Variants in FAM227B observed in about 807,000 individuals in gnomAD.
FAM227B encodes protein FAM227B.
Under a neutral mutation model 73.8 loss-of-function variants are expected in FAM227B, and 88 were observed. That is an observed-to-expected ratio of 1.19 (90% CI 1.00 to 1.42). The LOEUF is 1.42. Among genes scored for constraint, FAM227B ranks in the 40% most tolerant of loss-of-function variants. The probability of loss-of-function intolerance (pLI) is 0.00; values close to 1 mark genes in which losing one functional copy is unlikely to be tolerated. For synonymous variants in FAM227B, 210 were observed against 190.5 expected (o/e 1.10, Z -0.84); for missense variants, 632 against 590.9 (o/e 1.07, Z -0.72).
At chr15:49,614,473 A>G (rs1232023687) in intron 2 of FAM227B, among the ~76,000 whole-genome samples, 1 of 152,248 alleles carries the variant, frequency 6.6e-6, no homozygotes, top group Non-Finnish European at 1.5e-5. Context: ...AAATGCATGT[A>G]CTTCTCAGCA....
intron 11 of FAM227B, among the ~76,000 whole-genome samples, chr15:49,470,368 A>C (rs1392819293): frequency 6.6e-6 from 1 of 152,158 alleles, no homozygotes; most frequent in Non-Finnish European, 1.5e-5. Flanking sequence ...TTTTATTACC[A>C]ATAAGCAATT....
At chr15:49,454,324 T>A (rs2053065561) in intron 11 of FAM227B, among the ~76,000 whole-genome samples, 1 of 152,124 alleles carries the variant, frequency 6.6e-6, no homozygotes, top group African/African-American at 2.4e-5. Flanking sequence ...TTTCCCCCTT[T>A]CCAGTTTAAT....
chr15:49,396,826 C>A (rs1261894329), intron 11 of FAM227B, among the ~76,000 whole-genome samples: 6 of 151,608 alleles, frequency 4.0e-5, no homozygotes, highest in Admixed American at 6.6e-5. Flanking sequence ...GAAAGGACAT[C>A]CACACCAAAA....
At chr15:49,585,705 G>C (rs552851617) in intron 5 of FAM227B, among the ~76,000 whole-genome samples, 1 of 152,116 alleles carries the variant, frequency 6.6e-6, no homozygotes, top group Admixed American at 6.5e-5. Context: ...GGTGGGTGGA[G>C]GGGGGAGGGA....
At chr15:49,614,789 ACTC>A (rs1324401756) in intron 2 of FAM227B, 1 of 262,962 alleles carries the variant, frequency 3.8e-6, no homozygotes, top group Non-Finnish European at 7.5e-6. Context: ...CTGTTAACCA[ACTC>A]CTCCTTCTTA....
chr15:49,504,091 C>G (rs1428408947), intron 11 of FAM227B, among the ~76,000 whole-genome samples: 3 of 152,084 alleles, frequency 2.0e-5, no homozygotes, highest in East Asian at 1.9e-4. Context: ...GAATACTATG[C>G]AGCCATAAAA....
chr15:49,611,137 T>C (rs2077885851), intron 3 of FAM227B, 78 bp downstream of exon 3: 1 of 859,758 alleles, frequency 1.2e-6, no homozygotes, highest in Non-Finnish European at 1.9e-6. Context: ...TCTTAAAGTT[T>C]ATTCTAAGCC....
At chr15:49,377,413 C>T (rs2046239619) in intron 11 of FAM227B, among the ~76,000 whole-genome samples, 2 of 151,984 alleles carry the variant, frequency 1.3e-5, no homozygotes, top group Admixed American at 1.3e-4. Context: ...TATGGTAGCT[C>T]AATTTTTAGT....
At chr15:49,453,330 C>T (rs2052952666) in intron 11 of FAM227B, among the ~76,000 whole-genome samples, 1 of 151,898 alleles carries the variant, frequency 6.6e-6, no homozygotes, top group East Asian at 1.9e-4. Context: ...TCTCAAATGC[C>T]TGAGCTCAAG....
chr15:49,580,356 C>G (rs948087706), intron 5 of FAM227B, among the ~76,000 whole-genome samples: 1 of 152,186 alleles, frequency 6.6e-6, no homozygotes, highest in Non-Finnish European at 1.5e-5. Context: ...TACTGAATCA[C>G]ATCCCAAACT....
At chr15:49,367,866 G>GAAAAAAAAAAAA in intron 12 of FAM227B, 1 of 116,850 alleles carries the variant, frequency 8.6e-6, no homozygotes, top group African/African-American at 3.1e-5. Flanking sequence ...CTTAAGAACA[G>GAAAAAAAAAAAA]AAAAAAAAAA....
At chr15:49,372,344 A>G in intron 11 of FAM227B, among the ~76,000 whole-genome samples, 1 of 152,124 alleles carries the variant, frequency 6.6e-6, no homozygotes, top group Admixed American at 6.6e-5. Context: ...GCTAAGAAAC[A>G]TTTTCCATAA....
intron 9 of FAM227B, among the ~76,000 whole-genome samples, chr15:49,547,629 C>A (rs2072131945): frequency 6.6e-6 from 1 of 152,128 alleles, no homozygotes; most frequent in South Asian, 2.1e-4. Flanking sequence ...GGGTTGCAAT[C>A]CTAGTCTCTG....
At chr15:49,371,426 A>T in intron 11 of FAM227B, 27 bp from the exon 12 acceptor site, 1 of 1,373,596 alleles carries the variant, frequency 7.3e-7, no homozygotes, top group Admixed American at 2.0e-5. Flanking sequence ...AATACTTTTT[A>T]AAATTCTGGT....
chr15:49,608,837 G>A (rs573181764), intron 3 of FAM227B, among the ~76,000 whole-genome samples: 1 of 151,484 alleles, frequency 6.6e-6, no homozygotes, highest in Non-Finnish European at 1.5e-5. Flanking sequence ...AAAGTTGCAT[G>A]GACACAGAAA....
chr15:49,602,951 A>C (rs1204410151), intron 3 of FAM227B, among the ~76,000 whole-genome samples: 1 of 152,066 alleles, frequency 6.6e-6, no homozygotes, highest in Non-Finnish European at 1.5e-5. Context: ...AAATGAGTTC[A>C]CTGCAGGTGT....
chr15:49,591,605 C>A (rs551928176), intron 3 of FAM227B, among the ~76,000 whole-genome samples: 26 of 151,180 alleles, frequency 1.7e-4, no homozygotes, highest in African/African-American at 5.3e-4. Context: ...CCTGCCTCAG[C>A]CTCCCAAGTA....
chr15:49,491,017 A>G (rs1331766259), intron 11 of FAM227B, among the ~76,000 whole-genome samples: 4 of 152,002 alleles, frequency 2.6e-5, no homozygotes, highest in African/African-American at 9.7e-5. Flanking sequence ...TTTCCAGAAT[A>G]TATTCTAATC....
At chr15:49,443,496 G>A (rs1262459155) in intron 11 of FAM227B, among the ~76,000 whole-genome samples, 1 of 151,564 alleles carries the variant, frequency 6.6e-6, no homozygotes, top group East Asian at 1.9e-4. Flanking sequence ...CTACATTTAA[G>A]CGAATGATAC....
Sources: allele counts gnomAD v4.1 joint callset (sites outside exome capture counted in the v4.1 genomes callset), GRCh38; gene constraint gnomAD v4.1.1; transcripts MANE v1.5; gene names NCBI Gene and HGNC (gene_info 2026-07-23, HGNC 2026-07-21).